Variants in TMEM132C observed in about 807,000 individuals in gnomAD.
TMEM132C encodes transmembrane protein 132C.
TMEM132C carries 29 observed loss-of-function variants against 61.4 expected under a neutral mutation model. The observed-to-expected ratio is 0.47, with a 90% CI of 0.35 to 0.64. The LOEUF is 0.64. TMEM132C is among the 30% of genes least tolerant of loss of function. TMEM132C has a pLI of 0.00. For missense variants in TMEM132C, 1,408 were observed against 1,476.9 expected, an observed-to-expected ratio of 0.95 and a Z score of 0.76; for synonymous variants, 656 against 633.1, an observed-to-expected ratio of 1.04 and a Z score of -0.54.
At chr12:128,566,373 G>A (rs533471672) in intron 3 of TMEM132C, among the ~76,000 whole-genome samples, 1 of 152,062 alleles carries the variant, frequency 6.6e-6, no homozygotes, top group African/African-American at 2.4e-5. Context: ...TATTGTTTGG[G>A]GGAGGTTTTC....
chr12:128,473,727 C>T lies in TMEM132C; in HGVS notation c.974+58107C>T, dbSNP rs377601627. 8.0e-3 allele frequency among the ~76,000 whole-genome samples: 1,027 copies of T among 128,476 alleles called. 10 individuals are homozygous for T. Among genetic ancestry groups the T allele is most frequent in the South Asian group, 0.055 (211 of 3,812 alleles). The allele number at this position is 128,476 out of a possible 152,430, so 84.3% of individuals were successfully genotyped here. On this transcript the variant is annotated intron_variant, in intron 2 of 8. Coordinates refer to ENST00000435159, the MANE Select transcript of TMEM132C (RefSeq NM_001136103.3). The stretch of plus-strand genomic sequence containing the variant: ...TCATCTTCACTCCAGCCTCCGTTTT[C>T]GTCTTCACTTCAGCCTCTGTCTTCA...
chr12:128,512,509 A>G (rs1043073633), intron 2 of TMEM132C, among the ~76,000 whole-genome samples: 1 of 152,186 alleles, frequency 6.6e-6, no homozygotes, highest in Non-Finnish European at 1.5e-5. Flanking sequence ...TCACCAGGCA[A>G]GAGAACCTGG....
At chr12:128,370,791 T>G (rs114615821) in intron 1 of TMEM132C, among the ~76,000 whole-genome samples, 139 of 151,890 alleles carry the variant, frequency 9.2e-4, no homozygotes, top group African/African-American at 3.1e-3. Context: ...GTGAAGAATT[T>G]CCAGCACAGC....
At chr12:128,663,860 TCACA>T (rs1305243013) in intron 4 of TMEM132C, among the ~76,000 whole-genome samples, 7 of 142,390 alleles carry the variant, frequency 4.9e-5, no homozygotes, top group Middle Eastern at 3.8e-3. Context: ...ACGCAGGCAC[TCACA>T]CAGGCACACA....
intron 1 of TMEM132C, among the ~76,000 whole-genome samples, chr12:128,375,406 G>A (rs1874162603): frequency 6.6e-6 from 1 of 152,242 alleles, no homozygotes; most frequent in South Asian, 2.1e-4. Flanking sequence ...AGGCTGTGGG[G>A]GAATCTCCCG....
Position 128,588,269 on chromosome 12 carries a change from A to G in TMEM132C, c.1122-27883A>G, listed in dbSNP as rs574120233. Among the ~76,000 whole-genome samples the G allele has an allele frequency of 2.0e-4, 31 of 152,214 alleles. 2 individuals are homozygous for G. In the South Asian group the frequency reaches 6.0e-3, roughly 30 times the overall value. ...GGCAATATGGTGAAACCCCATCTCT[A>G]CAAAAAATTTTTAAAAGTTAGGTGT... On this transcript the variant is annotated intron_variant, in intron 3 of 8. Transcript: ENST00000435159.
At chr12:128,490,147 T>A (rs1381725806) in intron 2 of TMEM132C, among the ~76,000 whole-genome samples, 1 of 152,140 alleles carries the variant, frequency 6.6e-6, no homozygotes, top group Non-Finnish European at 1.5e-5. Context: ...AGGAGGCCCT[T>A]ATGTCGCCCT....
intron 3 of TMEM132C, among the ~76,000 whole-genome samples, chr12:128,555,134 G>A (rs1362922191): frequency 6.6e-6 from 1 of 152,142 alleles, no homozygotes; most frequent in African/African-American, 2.4e-5. Flanking sequence ...AAAACGAGAA[G>A]GCTCTTTCCA....
At chr12:128,419,972 C>T (rs892275687) in intron 2 of TMEM132C, among the ~76,000 whole-genome samples, 4 of 152,006 alleles carry the variant, frequency 2.6e-5, no homozygotes, top group East Asian at 3.9e-4. Flanking sequence ...GTGGGCAGAT[C>T]GCCTGAGGTC....
intron 2 of TMEM132C, among the ~76,000 whole-genome samples, chr12:128,467,024 G>T (rs1870758331): frequency 6.6e-6 from 1 of 152,176 alleles, no homozygotes; most frequent in African/African-American, 2.4e-5. Flanking sequence ...AGGAAGAGGG[G>T]CTTTCAGGTG....
At chr12:128,547,222 G>A (rs778061563) in intron 3 of TMEM132C, among the ~76,000 whole-genome samples, 34 of 152,246 alleles carry the variant, frequency 2.2e-4, no homozygotes, top group Middle Eastern at 3.4e-3. Context: ...AGTATCTGAA[G>A]CCTCATTGGC....
At position 128,474,205 on chromosome 12, in the gene TMEM132C, A is replaced by G. The variant is rs116631288; in HGVS notation, c.974+58585A>G. On this transcript the variant is annotated intron_variant, in intron 2 of 8. Transcript: ENST00000435159. ...TCTGGTTTGGCAAGTCTAGGGTGAG[A>G]CCTGGGAATCTGCATTTTTAAGAAA... 7.8e-3 allele frequency among the ~76,000 whole-genome samples: 1,190 copies of G among 152,276 alleles called. 15 individuals are homozygous for G. Among genetic ancestry groups the G allele is most frequent in the African/African-American group, 0.027 (1,114 of 41,548 alleles).
chr12:128,358,790 A>G (rs1873602366), intron 1 of TMEM132C, among the ~76,000 whole-genome samples: 1 of 152,104 alleles, frequency 6.6e-6, no homozygotes, highest in Non-Finnish European at 1.5e-5. Flanking sequence ...AAATGCACAA[A>G]ATTTGAATTG....
In TMEM132C at chr12:128,623,214, C is replaced by T. The variant is rs187226543; in HGVS notation, c.1305+6879C>T. Among the ~76,000 whole-genome samples, 1,065 of 152,226 alleles carry T rather than the reference C, an allele frequency of 7.0e-3. 13 individuals are homozygous for T. The highest frequency in any genetic ancestry group is 0.019 in the African/African-American group (772 of 41,554). On this transcript the variant is annotated intron_variant, in intron 4 of 8. Coordinates refer to ENST00000435159, the MANE Select transcript of TMEM132C (RefSeq NM_001136103.3). ...GAGGAATCATTGCTGTCTTTAGTAG[C>T]ATCATCATTATCTGAACTTTGGTTT... is the stretch of plus-strand genomic sequence containing the variant.
At chr12:128,563,086 G>A (rs745696905) in intron 3 of TMEM132C, among the ~76,000 whole-genome samples, 14 of 152,242 alleles carry the variant, frequency 9.2e-5, no homozygotes, top group Non-Finnish European at 1.5e-4. Flanking sequence ...TGACAGAACA[G>A]ACATACCAGC....
At chr12:128,527,703 A>ATG (rs1186342541) in intron 2 of TMEM132C, among the ~76,000 whole-genome samples, 24 of 64,302 alleles carry the variant, frequency 3.7e-4, no homozygotes, top group South Asian at 2.3e-3. Context: ...GTGAATGTGC[A>ATG]TGTATGTGTG....
rs112184720 is a variant in TMEM132C, at chr12:128,546,501, C to G, written c.1121+2398C>G. Among the ~76,000 whole-genome samples the G allele has an allele frequency of 3.7e-3, 557 of 152,114 alleles. 4 individuals carry two copies. The highest frequency in any genetic ancestry group is 0.013 in the African/African-American group (534 of 41,514). On this transcript the variant is annotated intron_variant, in intron 3 of 8. Transcript: ENST00000435159. ...TGTTTGTTCTGAGCTTCCAGGCACC[C>G]CACTTTGACCCCAGTTGTGTTTGCT...
At chr12:128,548,696 C>T (rs1249720740) in intron 3 of TMEM132C, among the ~76,000 whole-genome samples, 1 of 152,180 alleles carries the variant, frequency 6.6e-6, no homozygotes, top group Non-Finnish European at 1.5e-5. Context: ...CAGTGATTTA[C>T]AACTACAGTT....
intron 2 of TMEM132C, among the ~76,000 whole-genome samples, chr12:128,475,148 G>A (rs1255893551): frequency 1.3e-5 from 2 of 152,118 alleles, no homozygotes; most frequent in African/African-American, 4.8e-5. Context: ...TTCCATGCAA[G>A]CACCACTAGC....
Sources: allele counts gnomAD v4.1 joint callset (sites outside exome capture counted in the v4.1 genomes callset), GRCh38; gene constraint gnomAD v4.1.1; transcripts MANE v1.5; gene names NCBI Gene and HGNC (gene_info 2026-07-23, HGNC 2026-07-21).